RGS7: variants seen among roughly 807,000 people sequenced by gnomAD.
RGS7 encodes the protein regulator of G protein signaling 7.
Under a neutral mutation model 81.1 loss-of-function variants are expected in RGS7, and 27 were observed. The observed-to-expected ratio is 0.33, with a 90% CI of 0.25 to 0.46. The LOEUF is 0.46. Among genes scored for constraint, RGS7 ranks in the 20% least tolerant of loss-of-function variants. The pLI, the probability that RGS7 is intolerant of heterozygous loss-of-function variation, is 1.00. For missense variants in RGS7, 396 were observed against 607.4 expected (o/e 0.65, Z 3.66); for synonymous variants, 208 against 207.7 (o/e 1.00, Z -0.01).
intron 3 of RGS7, among the ~76,000 whole-genome samples, chr1:241,008,191 C>A (rs571844531): frequency 2.6e-5 from 4 of 152,190 alleles, no homozygotes; most frequent in Non-Finnish European, 5.9e-5. Flanking sequence ...GACCAAGTTT[C>A]TTTTAAGGCC....
chr1:241,233,744 A>G (rs1408939146), intron 2 of RGS7, among the ~76,000 whole-genome samples: 1 of 151,316 alleles, frequency 6.6e-6, no homozygotes, highest in Non-Finnish European at 1.5e-5. Flanking sequence ...TTTCTTTTGG[A>G]TATATACTTA....
intron 6 of RGS7, among the ~76,000 whole-genome samples, chr1:240,904,134 T>G (rs1352965041): frequency 6.6e-6 from 1 of 152,204 alleles, no homozygotes; most frequent in Non-Finnish European, 1.5e-5. Context: ...TTGGCTTCTC[T>G]TAGTTCCAAG....
At position 241,124,787 on chromosome 1, in the gene RGS7, C is replaced by T. The variant is rs547303129; in HGVS notation, c.79-26025G>A. Among the ~76,000 whole-genome samples the T allele has an allele frequency of 1.0e-3, 158 of 152,288 alleles. 1 individual carries two copies. The highest frequency in any genetic ancestry group is 3.6e-3 in the African/African-American group (151 of 41,570). ...TTGTGTGGACATGTGAGACATATCTCGGGACCTCCCAGGAGAGCTATGGAA... is the reference window on the plus strand; with the variant it reads ...TTGTGTGGACATGTGAGACATATCTTGGGACCTCCCAGGAGAGCTATGGAA... On this transcript the variant is annotated intron_variant, in intron 2 of 18. Coordinates refer to ENST00000440928, the MANE Select transcript of RGS7 (RefSeq NM_001364886.1).
rs1191061727 is a variant in RGS7, at chr1:240,870,137, C to A, written c.386-18G>T. The A allele has an allele frequency of 1.2e-6, 2 of 1,610,902 alleles. No individual in the cohort carries two copies. The highest frequency in any genetic ancestry group is 1.3e-5 in the African/African-American group (1 of 74,822). On this transcript the variant is annotated intron_variant, in intron 6 of 18. Transcript: ENST00000440928. ...GTAAACGGCTGAAAAAAAAATCAATCATTTCTTGCCTGCTTATCAACACCA... is the reference window on the plus strand; with the variant it reads ...GTAAACGGCTGAAAAAAAAATCAATAATTTCTTGCCTGCTTATCAACACCA...
rs964313653 is a variant in RGS7, at chr1:240,967,570, G to C, written c.226+15509C>G. Among the ~76,000 whole-genome samples the C allele has an allele frequency of 1.2e-4, 14 of 118,490 alleles. 1 individual carries two copies. Among genetic ancestry groups the C allele is most frequent in the Admixed American group, 8.5e-4 (10 of 11,774 alleles). The allele number at this position is 118,490 out of a possible 152,430, so 77.7% of individuals were successfully genotyped here. A position where few individuals can be genotyped will look rare whatever the true frequency, so the allele number is the denominator to read the frequency against. On this transcript the variant is annotated intron_variant, in intron 4 of 18. Transcript: ENST00000440928. ...GTCAAAGTGATTGTGCCAAGAAGTG[G>C]GGGGGGGGGGGAAAAGGCTGTAGCA...
chr1:241,125,308 T>G (rs2066573979), intron 2 of RGS7, among the ~76,000 whole-genome samples: 1 of 152,210 alleles, frequency 6.6e-6, no homozygotes, highest in South Asian at 2.1e-4. Context: ...AGAATTCATG[T>G]AATATTTAAG....
intron 6 of RGS7, among the ~76,000 whole-genome samples, chr1:240,886,149 A>G (rs1383294401): frequency 1.1e-4 from 16 of 152,188 alleles, no homozygotes; most frequent in Non-Finnish European, 4.4e-5. Flanking sequence ...TTCCATGTAA[A>G]TGTTCATGTA....
chr1:241,353,952 A>T (rs965354960), intron 2 of RGS7, among the ~76,000 whole-genome samples: 1 of 152,136 alleles, frequency 6.6e-6, no homozygotes, highest in Non-Finnish European at 1.5e-5. Flanking sequence ...TGACTGAATG[A>T]CACACACTAG....
chr1:240,951,808 T>A (rs1679608868), intron 4 of RGS7, among the ~76,000 whole-genome samples: 1 of 148,988 alleles, frequency 6.7e-6, no homozygotes, highest in South Asian at 2.1e-4. Flanking sequence ...GAAAGAAAAG[T>A]AAATAACAAA....
At chr1:240,934,252 G>A (rs749253164) in intron 5 of RGS7, among the ~76,000 whole-genome samples, 17 of 152,252 alleles carry the variant, frequency 1.1e-4, no homozygotes, top group East Asian at 1.9e-4. Context: ...GAGCCACTGC[G>A]CCCAGCCTAG....
At chr1:241,142,486 C>A (rs1203630177) in intron 2 of RGS7, among the ~76,000 whole-genome samples, 1 of 152,230 alleles carries the variant, frequency 6.6e-6, no homozygotes, top group Non-Finnish European at 1.5e-5. Flanking sequence ...TGTGCACTCT[C>A]AGGCTGAACA....
At chr1:240,947,175 A>T (rs1678777481) in intron 4 of RGS7, among the ~76,000 whole-genome samples, 1 of 152,186 alleles carries the variant, frequency 6.6e-6, no homozygotes, top group African/African-American at 2.4e-5. Flanking sequence ...CTGGCCTTTG[A>T]GCCAGACTGC....
intron 3 of RGS7, among the ~76,000 whole-genome samples, chr1:241,039,908 G>C (rs765430739): frequency 6.6e-6 from 1 of 151,834 alleles, no homozygotes; most frequent in African/African-American, 2.4e-5. Flanking sequence ...CCTGTGTTAA[G>C]ACACTAAGAT....
intron 2 of RGS7, among the ~76,000 whole-genome samples, chr1:241,349,932 T>C (rs2148734398): frequency 6.6e-6 from 1 of 152,326 alleles, no homozygotes; most frequent in East Asian, 1.9e-4. Flanking sequence ...CATCACTCAC[T>C]AGAACCACAG....
chr1:240,909,447 TATC>T (rs1411846835), intron 6 of RGS7, among the ~76,000 whole-genome samples: 2 of 152,204 alleles, frequency 1.3e-5, no homozygotes, highest in Non-Finnish European at 2.9e-5. Flanking sequence ...ACTTTATTAT[TATC>T]GCTAAGTTAT....
At chr1:240,862,925 ATG>A (rs150023240) in intron 9 of RGS7, among the ~76,000 whole-genome samples, 9,685 of 143,936 alleles carry the variant, frequency 0.067, 891 homozygotes, top group African/African-American at 0.21. Flanking sequence ...TAAACTAAAT[ATG>A]TGTGTGTGTG....
rs1033580143 is a variant in RGS7 at position 241,241,504 on chromosome 1, G to A, written c.78+114195C>T. ...AAACACCACAGAGCAAAGGCAGCAC[G>A]TGTCTGTGGAGCTGCCCCCTTTCCA... On this transcript the variant is annotated intron_variant, in intron 2 of 18. Coordinates refer to ENST00000440928, the MANE Select transcript of RGS7 (RefSeq NM_001364886.1). 1.6e-4 allele frequency among the ~76,000 whole-genome samples: 24 copies of A among 152,228 alleles called. 1 individual carries two copies. The highest frequency in any genetic ancestry group is 4.1e-4 in the African/African-American group (17 of 41,556).
At chr1:240,797,925 CA>C (rs1425428939) in intron 18 of RGS7, among the ~76,000 whole-genome samples, 7 of 152,120 alleles carry the variant, frequency 4.6e-5, no homozygotes, top group African/African-American at 1.4e-4. Context: ...GGGCATTACA[CA>C]AATGTGAGTT....
At chr1:241,013,878 G>A (rs2059096148) in intron 3 of RGS7, among the ~76,000 whole-genome samples, 1 of 152,252 alleles carries the variant, frequency 6.6e-6, no homozygotes, top group African/African-American at 2.4e-5. Context: ...GGAGGGGACA[G>A]AGCAAGGTAA....
Sources: allele counts gnomAD v4.1 joint callset (sites outside exome capture counted in the v4.1 genomes callset), GRCh38; gene constraint gnomAD v4.1.1; transcripts MANE v1.5; gene names NCBI Gene and HGNC (gene_info 2026-07-23, HGNC 2026-07-21).